ZNF233: variants seen among roughly 807,000 people sequenced by gnomAD.
ZNF233 encodes zinc finger protein 233.
In ZNF233, 7 loss-of-function variants were observed where a neutral mutation model predicts 11.6. The ratio of observed to expected loss-of-function variants is 0.60; its 90% CI spans 0.34 to 1.13. The LOEUF is 1.13. Ranked by LOEUF, ZNF233 falls within the 50% of genes most tolerant of loss-of-function variation. The pLI, the probability that ZNF233 is intolerant of heterozygous loss-of-function variation, is 0.03. For missense variants in ZNF233, 711 were observed against 785.5 expected (o/e 0.91, Z 1.13); for synonymous variants, 226 against 268.5 (o/e 0.84, Z 1.55).
intron 1 of ZNF233, among the ~76,000 whole-genome samples, chr19:44,263,427 A>G (rs1048316377): frequency 6.6e-6 from 1 of 152,188 alleles, no homozygotes; most frequent in Non-Finnish European, 1.5e-5. Flanking sequence ...GCAACTGTAA[A>G]TTAGAATCTG....
chr19:44,260,415 G>T (rs965461537), intron 1 of ZNF233, among the ~76,000 whole-genome samples: 2 of 152,176 alleles, frequency 1.3e-5, no homozygotes, highest in Non-Finnish European at 2.9e-5. Context: ...GAAAGCTTCT[G>T]TGAGCCCGCA....
intron 2 of ZNF233, among the ~76,000 whole-genome samples, chr19:44,265,572 C>CTAT (rs1975059875): frequency 6.6e-6 from 1 of 152,104 alleles, no homozygotes; most frequent in Non-Finnish European, 1.5e-5. Flanking sequence ...AGGCACCTGC[C>CTAT]AACATACCCA....
intron 4 of ZNF233, among the ~76,000 whole-genome samples, chr19:44,270,087 GAATA>G (rs1975196777): frequency 6.6e-6 from 1 of 152,172 alleles, no homozygotes; most frequent in Non-Finnish European, 1.5e-5. Flanking sequence ...CACAGGCAGA[GAATA>G]AAGAGGTGTC....
rs1228846523 is a variant in ZNF233 at position 44,266,200 on chromosome 19, G to A, written c.18G>A (p.Glu6=). 6.2e-7 allele frequency: 1 copy of A among 1,608,792 alleles called. No individual in the cohort carries two copies. Among genetic ancestry groups the A allele is most frequent in the East Asian group, 2.2e-5 (1 of 44,546 alleles). Residue 6 remains glutamate, a splice_region_variant and synonymous_variant, in exon 3 of 5, where the codon GAG becomes GAA. Transcript: ENST00000683810. MTKFQ[E]MVTFKDVAVV... is the part of the protein sequence containing the mutation. ...ATTACATCTGCTTGATGTTGTAGGA[G>A]ATGGTGACATTCAAGGATGTGGCTG... is the stretch of plus-strand genomic sequence containing the variant.
At chr19:44,269,619 T>C (rs1048261201) in intron 4 of ZNF233, among the ~76,000 whole-genome samples, 1 of 152,096 alleles carries the variant, frequency 6.6e-6, no homozygotes, top group African/African-American at 2.4e-5. Context: ...TTTTTTAATT[T>C]TTGGCCAATT....
intron 1 of ZNF233, among the ~76,000 whole-genome samples, chr19:44,261,776 C>T (rs1233443): frequency 0.27 from 41,243 of 151,050 alleles, 8,492 homozygotes; most frequent in African/African-American, 0.57. Context: ...CTCAGCCTCC[C>T]GAGTAGCTGG....
rs200527384 is a variant in ZNF233 at position 44,274,591 on chromosome 19, G to T, written c.1931G>T (p.Gly644Val). Residue 644 changes from glycine (G) to valine (V), a missense_variant, in exon 5 of 5, where the codon GGA becomes GTA. Gly to Val is a moderately radical substitution (Grantham distance 109, BLOSUM62 -3). Coordinates refer to ENST00000683810, the MANE Select transcript of ZNF233 (RefSeq NM_001207005.2). ...HLQAHQRVHT[G>V]EKPYKCFVCG... Reference sequence around the variant, plus strand: ...CAAGCCCATCAGAGAGTCCATACTGGAGAGAAACCATACAAATGTTTTGTG... The same window carrying T: ...CAAGCCCATCAGAGAGTCCATACTGTAGAGAAACCATACAAATGTTTTGTG... The T allele has an allele frequency of 6.2e-6, 10 of 1,614,012 alleles. No homozygotes were observed. The highest frequency in any genetic ancestry group is 8.5e-6 in the Non-Finnish European group (10 of 1,179,998).
intron 1 of ZNF233, among the ~76,000 whole-genome samples, chr19:44,263,017 T>C (rs950691238): frequency 3.9e-5 from 6 of 152,180 alleles, no homozygotes; most frequent in African/African-American, 1.4e-4. Context: ...TCACCAGCTC[T>C]GTGACCTTGG....
chr19:44,263,559 G>T (rs1974990839), intron 1 of ZNF233, among the ~76,000 whole-genome samples: 1 of 152,182 alleles, frequency 6.6e-6, no homozygotes, highest in South Asian at 2.1e-4. Flanking sequence ...GCACGGGAAA[G>T]GGAGATACAC....
intron 1 of ZNF233, 122 bp from the exon 2 acceptor site, chr19:44,264,192 G>A (rs1168636966): frequency 1.0e-5 from 7 of 681,266 alleles, no homozygotes; most frequent in South Asian, 3.3e-5. Context: ...TGCCTGCCTC[G>A]GCCTCCCAAA....
Position 44,273,196 on chromosome 19 carries a change from C to A in ZNF233, c.536C>A (p.Thr179Asn). The change falls in exon 5 of 5, where the codon ACC (threonine) becomes AAC (asparagine). Residue 179 changes from threonine to asparagine, a missense_variant. Thr to Asn is a moderately conservative substitution (Grantham distance 65). Coordinates refer to ENST00000683810, the MANE Select transcript of ZNF233 (RefSeq NM_001207005.2). ...AATCAAGAGCTTCCATTGAGGACCA[C>A]CTGGGATTTCTGGAGGAAAATGTAT... ...IKNQELPLRT[T>N]WDFWRKMYLR... 6.2e-7 allele frequency: 1 copy of A among 1,613,658 alleles called. No individual in the cohort carries two copies.
Position 44,274,012 on chromosome 19 carries a change from C to T in ZNF233, c.1352C>T (p.Pro451Leu), listed in dbSNP as rs1568637525. Residue 451 changes from proline (P) to leucine (L), a missense_variant, in exon 5 of 5, where the codon CCA becomes CTA. Transcript: ENST00000683810. ...CAGAGAGTTCACACTGGAGAGAAAC[C>T]ATATAAATGTGAGGTATGTGATAAG... is the stretch of plus-strand genomic sequence containing the variant. The part of the protein sequence containing the change: ...LHQRVHTGEK[P>L]YKCEVCDKGF... 6.3e-7 allele frequency: 1 copy of T among 1,597,672 alleles called. No homozygotes were observed. The highest frequency in any genetic ancestry group is 8.5e-7 in the Non-Finnish European group (1 of 1,179,350).
At chr19:44,260,160 C>G in intron 1 of ZNF233, 1 of 238,736 alleles carries the variant, frequency 4.2e-6, no homozygotes, top group South Asian at 3.8e-5. Flanking sequence ...AGTTCCCTCG[C>G]CTTCCCCACC....
chr19:44,273,933 A>T lies in ZNF233; in HGVS notation c.1273A>T (p.Thr425Ser), dbSNP rs763916571. Reference protein sequence around the residue: ...AHQRGHSRDKTYKWEVSDRIF... With the variant: ...AHQRGHSRDKSYKWEVSDRIF... The stretch of plus-strand genomic sequence containing the variant: ...TCAGAGAGGTCACTCTAGAGACAAG[A>T]CATACAAATGGGAAGTAAGTGACAG... The change falls in exon 5 of 5, where the codon ACA becomes TCA. Residue 425 changes from threonine to serine, a missense_variant. By Grantham distance (58) the Thr-to-Ser change is moderately conservative (BLOSUM62 1). Transcript: ENST00000683810. The T allele has an allele frequency of 1.1e-5, 17 of 1,613,312 alleles. No homozygotes were observed. The South Asian group carries it at 1.8e-4, about 17-fold the overall frequency.
chr19:44,274,325 GC>G lies in ZNF233; in HGVS notation c.1666del (p.Gln556LysfsTer150). ...AGAGTTCGCATCTCCAAGACCATCA[GC>G]AAGTCCATACTGGAGAGAATCCCTA... ...SQSSHLQDHQ[Q>X]VHTGENPYKC... On this transcript the variant is annotated frameshift_variant, in exon 5 of 5. Transcript: ENST00000683810. LOFTEE classifies it low-confidence loss of function (END_TRUNC). 1 of 1,613,962 alleles carries G rather than the reference GC, an allele frequency of 6.2e-7. No homozygotes were observed. Among genetic ancestry groups the G allele is most frequent in the East Asian group, 2.2e-5 (1 of 44,856 alleles).
At chr19:44,267,850 G>A (rs558842996) in intron 4 of ZNF233, 84 of 152,084 alleles carry the variant, frequency 5.5e-4, no homozygotes, top group African/African-American at 1.8e-3. Flanking sequence ...TTGCTCTGTC[G>A]CCAGGCTGGA....
intron 1 of ZNF233, among the ~76,000 whole-genome samples, chr19:44,260,903 A>C (rs1395017699): frequency 6.6e-6 from 1 of 152,206 alleles, no homozygotes; most frequent in Non-Finnish European, 1.5e-5. Flanking sequence ...AGTAATAATA[A>C]AATTTGTTAA....
intron 4 of ZNF233, chr19:44,267,717 T>G (rs1975129857): frequency 3.6e-6 from 1 of 276,084 alleles, no homozygotes; most frequent in Non-Finnish European, 6.6e-6. Flanking sequence ...CCTTTTGCTC[T>G]TCTGTCTGCC....
rs1301013555 is a variant in ZNF233, at chr19:44,274,558, C to A, written c.1898C>A (p.Ser633Ter). The A allele has an allele frequency of 6.2e-7, 1 of 1,614,150 alleles. No individual in the cohort carries two copies. Among genetic ancestry groups the A allele is most frequent in the Admixed American group, 1.7e-5 (1 of 60,006 alleles). Residue 633 changes from serine (S) to a stop codon, truncating the protein, a stop_gained, in exon 5 of 5, where the codon TCA becomes TAA. Coordinates refer to ENST00000683810, the MANE Select transcript of ZNF233 (RefSeq NM_001207005.2). LOFTEE classifies it low-confidence loss of function (END_TRUNC). ...GMCGKSFSQT[S>*]HLQAHQRVHT... Reference sequence around the variant, plus strand: ...TGTGGTAAGAGCTTCAGTCAGACTTCACATCTTCAAGCCCATCAGAGAGTC... The same window carrying A: ...TGTGGTAAGAGCTTCAGTCAGACTTAACATCTTCAAGCCCATCAGAGAGTC...
Sources: allele counts gnomAD v4.1 joint callset (sites outside exome capture counted in the v4.1 genomes callset), GRCh38; gene constraint gnomAD v4.1.1; transcripts MANE v1.5; gene names NCBI Gene and HGNC (gene_info 2026-07-23, HGNC 2026-07-21).